SECISBP2: variants seen among roughly 807,000 people sequenced by gnomAD.
SECISBP2 encodes the protein selenocysteine insertion sequence-binding protein 2.
Under a neutral mutation model 98.2 loss-of-function variants are expected in SECISBP2, and 96 were observed. That is an observed-to-expected ratio of 0.98 (90% CI 0.83 to 1.16). The LOEUF is 1.16. Among genes scored for constraint, SECISBP2 ranks in the 50% most tolerant of loss-of-function variants. The pLI, the probability that SECISBP2 is intolerant of heterozygous loss-of-function variation, is 0.00. For synonymous variants in SECISBP2, 407 were observed against 370.2 expected, an observed-to-expected ratio of 1.10 and a Z score of -1.14; for missense variants, 1,046 against 1,022.9, an observed-to-expected ratio of 1.02 and a Z score of -0.31.
At chr9:89,365,382 T>G in the SECISBP2 span, 3 of 152,388 alleles carry the variant, frequency 2.0e-5, no homozygotes, top group Admixed American at 2.0e-4. Flanking sequence ...TGGACTGGGG[T>G]GACACCCACC....
intron 2 of SECISBP2, 68 bp downstream of exon 2, chr9:89,319,865 A>C (rs969245110): frequency 5.2e-6 from 8 of 1,523,918 alleles, no homozygotes; most frequent in South Asian, 1.1e-5. Flanking sequence ...TAGACTTTCA[A>C]ATACTCAGCA....
Position 89,351,924 on chromosome 9 carries a change from G to C in SECISBP2, c.2113+1072G>C, listed in dbSNP as rs555962910. Among the ~76,000 whole-genome samples the C allele has an allele frequency of 1.3e-4, 20 of 152,246 alleles. No individual in the cohort carries two copies. In the South Asian group the frequency reaches 4.1e-3, roughly 32 times the overall value. On this transcript the variant is annotated intron_variant, in intron 14 of 16. Coordinates refer to ENST00000375807, the MANE Select transcript of SECISBP2 (RefSeq NM_024077.5). ...AGCTAAAGGGTCAAGTAGTCCTATAGGGTTTGTTAAGGGAGGGGCAGGCTT... is the reference window on the plus strand; with the variant it reads ...AGCTAAAGGGTCAAGTAGTCCTATACGGTTTGTTAAGGGAGGGGCAGGCTT...
In SECISBP2 at chr9:89,350,325, C is replaced by T. The variant is rs145744628; in HGVS notation, c.1893-307C>T. On this transcript the variant is annotated intron_variant, in intron 13 of 16. Coordinates refer to ENST00000375807, the MANE Select transcript of SECISBP2 (RefSeq NM_024077.5). ...CCACTTTTCTTCCAGGATAGTCTCC[C>T]GGTATTTGTCTTTATGACAGGGAGA... is the stretch of plus-strand genomic sequence containing the variant. Among the ~76,000 whole-genome samples the T allele has an allele frequency of 1.3e-3, 195 of 152,308 alleles. 1 individual carries two copies. The highest frequency in any genetic ancestry group is 4.2e-3 in the African/African-American group (176 of 41,568).
At chr9:89,357,224 C>T in intron 14 of SECISBP2, 187 bp from the exon 15 acceptor site, 1 of 663,542 alleles carries the variant, frequency 1.5e-6, no homozygotes, top group Non-Finnish European at 2.7e-6. Context: ...GTTTTCTTTC[C>T]ATTTTTCCCC....
chr9:89,362,506 A>G, downstream of SECISBP2: 1 of 1,613,106 alleles, frequency 6.2e-7, no homozygotes, highest in Non-Finnish European at 8.5e-7. Context: ...TCTGTCTCAT[A>G]GCCCATCCCA....
downstream of SECISBP2, chr9:89,363,891 G>A (rs367978309): frequency 1.9e-6 from 3 of 1,613,954 alleles, no homozygotes; most frequent in African/African-American, 2.7e-5. Flanking sequence ...GTCTGCACAG[G>A]GACACAGGTC....
downstream of SECISBP2, chr9:89,362,276 C>T (rs1013679000): frequency 6.5e-7 from 1 of 1,548,708 alleles, no homozygotes; most frequent in South Asian, 1.1e-5. Context: ...TGGCTGTGTT[C>T]AGAGCAGGCT....
chr9:89,330,236 T>C (rs1399780948), intron 5 of SECISBP2: 11 of 152,242 alleles, frequency 7.2e-5, no homozygotes, highest in South Asian at 2.1e-4. Context: ...GGAAAACTTA[T>C]TACAGCAGGT....
At chr9:89,364,064 G>C, downstream of SECISBP2, 1 of 1,593,830 alleles carries the variant, frequency 6.3e-7, no homozygotes, top group Non-Finnish European at 8.5e-7. Flanking sequence ...GAAGTGACTT[G>C]GGACAACTTC....
chr9:89,320,850 TTCTAA>T (rs1394434124), intron 2 of SECISBP2, among the ~76,000 whole-genome samples: 4 of 152,224 alleles, frequency 2.6e-5, no homozygotes, highest in Admixed American at 6.5e-5. Context: ...TCAGGTGTAG[TTCTAA>T]TCTAAGAATC....
At chr9:89,323,834 C>T (rs551462720) in intron 2 of SECISBP2, 1 of 152,278 alleles carries the variant, frequency 6.6e-6, no homozygotes, top group Admixed American at 6.5e-5. Flanking sequence ...TGGAAAATAC[C>T]AACTTTCCAG....
intron 5 of SECISBP2, chr9:89,332,530 T>C: frequency 3.6e-6 from 1 of 275,666 alleles, no homozygotes; most frequent in South Asian, 3.9e-5. Context: ...TCTCCACAGT[T>C]TTGTCTTTTC....
chr9:89,325,402 A>C, intron 2 of SECISBP2, 25 bp from the exon 3 acceptor site: 1 of 1,611,776 alleles, frequency 6.2e-7, no homozygotes, highest in Non-Finnish European at 8.5e-7. Flanking sequence ...GAAATCTGCA[A>C]CTAAAGTTTA....
At position 89,334,677 on chromosome 9, in the gene SECISBP2, T is replaced by C; in HGVS notation, c.1036T>C (p.Ser346Pro). ...TAGTATACCATCTTCTGAAGCTTTA[T>C]CTTCGGATCCTTCCTACAACAAAGA... ...NVSIPSSEALSSDPSYNKEKH... is the reference protein window; with the variant it reads ...NVSIPSSEALPSDPSYNKEKH... Residue 346 changes from serine to proline, a missense_variant, in exon 7 of 17, where the codon TCT becomes CCT. Transcript: ENST00000375807. 1.2e-6 allele frequency: 2 copies of C among 1,614,088 alleles called. No individual in the cohort carries two copies. Among genetic ancestry groups the C allele is most frequent in the Non-Finnish European group, 1.7e-6 (2 of 1,179,964 alleles).
Position 89,358,777 on chromosome 9 carries a change from G to A in SECISBP2, c.2518G>A (p.Glu840Lys). The A allele has an allele frequency of 6.2e-7, 1 of 1,613,992 alleles. No individual in the cohort carries two copies. Among genetic ancestry groups the A allele is most frequent in the East Asian group, 2.2e-5 (1 of 44,894 alleles). The part of the protein sequence containing the change: ...AYSGCTLELE[E>K]SLEASTSQMM... The stretch of plus-strand genomic sequence containing the variant: ...CAGTGGATGTACCCTGGAGCTAGAA[G>A]AATCCTTGGAGGCTTCAACCTCTCA... The change falls in exon 17 of 17, where the codon GAA becomes AAA. Residue 840 changes from glutamate (E) to lysine (K), a missense_variant. Coordinates refer to ENST00000375807, the MANE Select transcript of SECISBP2 (RefSeq NM_024077.5).
At chr9:89,362,368 G>T, downstream of SECISBP2, 2 of 1,614,082 alleles carry the variant, frequency 1.2e-6, no homozygotes, top group Non-Finnish European at 1.7e-6. Context: ...TCTTGTTGGG[G>T]TTGAGGTCGG....
intron 16 of SECISBP2, 118 bp downstream of exon 16, chr9:89,358,309 T>C: frequency 1.9e-6 from 2 of 1,055,884 alleles, no homozygotes; most frequent in Non-Finnish European, 2.9e-6. Flanking sequence ...TAGCAGGGCC[T>C]GGTAAGTCCA....
downstream of SECISBP2, chr9:89,364,168 C>T (rs1833211092): frequency 1.7e-5 from 15 of 900,216 alleles, no homozygotes; most frequent in South Asian, 3.5e-5. Context: ...TGCTCTTTGA[C>T]CTTAATTGCC....
downstream of SECISBP2, chr9:89,360,744 G>A (rs925675449): frequency 6.6e-6 from 1 of 152,218 alleles, no homozygotes; most frequent in Non-Finnish European, 1.5e-5. Context: ...GCCGCATGAA[G>A]CACACAGCTC....
Sources: gnomAD v4.1 joint callset for allele counts (sites outside exome capture counted in the v4.1 genomes callset) on GRCh38, gnomAD v4.1.1 for gene constraint, MANE v1.5 for transcripts, NCBI Gene and HGNC (gene_info 2026-07-23, HGNC 2026-07-21) for gene names.